The following TMCO5A variants were observed in gnomAD, a reference collection of about 807,000 sequenced individuals.
TMCO5A encodes transmembrane and coiled-coil domains 5A.
TMCO5A carries 34 observed loss-of-function variants against 42.3 expected under a neutral mutation model. That is an observed-to-expected ratio of 0.80 (90% CI 0.61 to 1.07). TMCO5A has a LOEUF of 1.07. Among genes scored for constraint, TMCO5A ranks in the 50% least tolerant of loss-of-function variants. The pLI, the probability that TMCO5A is intolerant of heterozygous loss-of-function variation, is 0.00. For missense variants in TMCO5A, 357 were observed against 327.9 expected, an observed-to-expected ratio of 1.09 and a Z score of -0.69; for synonymous variants, 131 against 115.6, an observed-to-expected ratio of 1.13 and a Z score of -0.86.
rs1325531172 is a variant in TMCO5A at position 37,942,070 on chromosome 15, G to GA, written c.505-118dup. ...GGGGGGTGAGTTTTATGAAAGCAGA[G>GA]AAAGTGGCAGTGGGAATACCAAGCA... On this transcript the variant is annotated intron_variant, in intron 8 of 11. Coordinates refer to ENST00000319669, the MANE Select transcript of TMCO5A (RefSeq NM_152453.4). The GA allele has an allele frequency of 4.4e-6, 4 of 907,530 alleles. No homozygotes were observed. The African/African-American group carries it at 6.7e-5, about 15-fold the overall frequency. The allele number at this position is 907,530 out of a possible 1,614,324, so 56.2% of individuals were successfully genotyped here.
At chr15:37,979,169 G>T in the TMCO5A span, among the ~76,000 whole-genome samples, 69 of 152,062 alleles carry the variant, frequency 4.5e-4, no homozygotes, top group Non-Finnish European at 8.8e-4. Flanking sequence ...GCCCTGCCCA[G>T]TGAGGAGTAA....
chr15:37,941,258 T>C, intron 7 of TMCO5A, 53 bp downstream of exon 7: 1 of 1,543,208 alleles, frequency 6.5e-7, no homozygotes. Flanking sequence ...AATGTGATCT[T>C]TGGTCAGGCA....
chr15:37,990,024 G>A, the TMCO5A span, among the ~76,000 whole-genome samples: 4 of 151,986 alleles, frequency 2.6e-5, no homozygotes, highest in African/African-American at 9.7e-5. Context: ...TAAATCTATT[G>A]AGACTTAATT....
At chr15:37,965,640 AAACAGGC>A in intron 11 of TMCO5A, among the ~76,000 whole-genome samples, 1 of 152,352 alleles carries the variant, frequency 6.6e-6, no homozygotes, top group Admixed American at 6.5e-5. Context: ...TACAAATGGC[AAACAGGC>A]ATGTGAAAGG....
intron 9 of TMCO5A, 55 bp from the exon 10 acceptor site, chr15:37,943,286 T>A: frequency 6.5e-7 from 1 of 1,537,918 alleles, no homozygotes; most frequent in South Asian, 1.1e-5. Flanking sequence ...CATAGTGTAG[T>A]ATGAATATTT....
At chr15:37,998,032 T>A in the TMCO5A span, among the ~76,000 whole-genome samples, 1 of 152,192 alleles carries the variant, frequency 6.6e-6, no homozygotes, top group Non-Finnish European at 1.5e-5. Context: ...ATTTTGCCCA[T>A]TTTTAATCAG....
At chr15:38,010,425 T>TCTCACTCACACACACA in the TMCO5A span, among the ~76,000 whole-genome samples, 1 of 117,442 alleles carries the variant, frequency 8.5e-6, no homozygotes, top group Non-Finnish European at 1.7e-5. Flanking sequence ...CAGAGGGAGA[T>TCTCACTCACACACACA]CACACACACA....
At chr15:38,008,186 T>G in the TMCO5A span, among the ~76,000 whole-genome samples, 6 of 151,954 alleles carry the variant, frequency 3.9e-5, no homozygotes, top group African/African-American at 7.3e-5. Context: ...TGAGCCACCG[T>G]GCCCAGCCAA....
At chr15:37,937,786 T>C (rs755843275) in intron 5 of TMCO5A, among the ~76,000 whole-genome samples, 24 of 152,142 alleles carry the variant, frequency 1.6e-4, no homozygotes, top group Admixed American at 3.3e-4. Flanking sequence ...ATTTCCTTTT[T>C]CTTGTCTAGC....
In TMCO5A at chr15:37,947,706, A is replaced by G; in HGVS notation, c.668+10A>G. The G allele has an allele frequency of 6.3e-7, 1 of 1,579,762 alleles. No individual in the cohort carries two copies. Among genetic ancestry groups the G allele is most frequent in the Middle Eastern group, 1.7e-4 (1 of 5,978 alleles). ...GATTATTCAGTAAAAAGTAAGTAAA[A>G]TATCTTCAGGTAAACTTCCTATAAA... On this transcript the variant is annotated intron_variant, in intron 11 of 11. Transcript: ENST00000319669.
At chr15:37,980,637 CAAAAAAAAAAAAAAA>C in the TMCO5A span, among the ~76,000 whole-genome samples, 1 of 83,148 alleles carries the variant, frequency 1.2e-5, no homozygotes, top group Non-Finnish European at 2.2e-5. Context: ...GCCATCTTGG[CAAAAAAAAAAAAAAA>C]AAAAAAAAAA....
the TMCO5A span, among the ~76,000 whole-genome samples, chr15:37,974,203 A>G: frequency 1.5e-4 from 23 of 152,176 alleles, no homozygotes; most frequent in Admixed American, 9.2e-4. Flanking sequence ...GTTTATCGAG[A>G]ATATTCTCCT....
the TMCO5A span, among the ~76,000 whole-genome samples, chr15:38,023,700 A>G: frequency 6.6e-6 from 1 of 152,198 alleles, no homozygotes. Context: ...CAAGGTGACA[A>G]TTGGCAAAGC....
chr15:38,015,488 T>C, the TMCO5A span, among the ~76,000 whole-genome samples: 3 of 152,174 alleles, frequency 2.0e-5, no homozygotes, highest in Non-Finnish European at 4.4e-5. Context: ...GGAATATGCT[T>C]TGGCAGTTTC....
chr15:38,023,089 A>G, the TMCO5A span, among the ~76,000 whole-genome samples: 2 of 152,206 alleles, frequency 1.3e-5, no homozygotes, highest in African/African-American at 4.8e-5. Context: ...CTGGAAATGT[A>G]ATGTGCAAAA....
At chr15:38,021,709 T>C in the TMCO5A span, among the ~76,000 whole-genome samples, 3 of 152,190 alleles carry the variant, frequency 2.0e-5, no homozygotes, top group African/African-American at 7.2e-5. Flanking sequence ...AGTCGTGTTT[T>C]ATTACAGATT....
intron 6 of TMCO5A, among the ~76,000 whole-genome samples, chr15:37,940,317 AT>A (rs1229770472): frequency 1.3e-5 from 2 of 152,012 alleles, no homozygotes; most frequent in Non-Finnish European, 2.9e-5. Context: ...CTACCTACCA[AT>A]TTCCCTTATG....
chr15:37,983,497 G>A, the TMCO5A span, among the ~76,000 whole-genome samples: 4 of 152,208 alleles, frequency 2.6e-5, no homozygotes, highest in Non-Finnish European at 5.9e-5. Context: ...CAAGGTAGGG[G>A]AAAGTTCACC....
chr15:37,937,024 C>T (rs1303124256), intron 4 of TMCO5A, 54 bp downstream of exon 4: 2 of 1,601,266 alleles, frequency 1.2e-6, no homozygotes, highest in African/African-American at 2.7e-5. Flanking sequence ...TCATTCCATC[C>T]TTCATCAATT....
Sources: allele counts gnomAD v4.1 joint callset (sites outside exome capture counted in the v4.1 genomes callset), GRCh38; gene constraint gnomAD v4.1.1; transcripts MANE v1.5; gene names NCBI Gene and HGNC (gene_info 2026-07-23, HGNC 2026-07-21).